The following TRUB2 variants were observed in gnomAD, a reference collection of about 807,000 sequenced individuals.
TRUB2 encodes the protein TruB pseudouridine synthase family member 2, also known as pseudouridylate synthase TRUB2, mitochondrial.
Under a neutral mutation model 31.9 loss-of-function variants are expected in TRUB2, and 31 were observed. The observed-to-expected ratio is 0.97, with a 90% CI of 0.73 to 1.31. The LOEUF (loss-of-function observed/expected upper bound fraction) is 1.31, where lower values mean the gene tolerates loss of function less well. Ranked by LOEUF, TRUB2 falls within the 50% of genes most tolerant of loss-of-function variation. TRUB2 has a pLI of 0.00. For missense variants in TRUB2, 451 were observed against 439.6 expected, an observed-to-expected ratio of 1.03 and a Z score of -0.23; for synonymous variants, 201 against 182.6, an observed-to-expected ratio of 1.10 and a Z score of -0.81.
chr9:128,312,191 C>T (rs1449461734), intron 5 of TRUB2, among the ~76,000 whole-genome samples: 2 of 139,624 alleles, frequency 1.4e-5, no homozygotes, highest in Non-Finnish European at 3.0e-5. Flanking sequence ...GGCTGGAGTG[C>T]AAATGGCACA....
At chr9:128,315,692 C>T in intron 3 of TRUB2, 64 bp from the exon 4 acceptor site, 1 of 1,541,572 alleles carries the variant, frequency 6.5e-7, no homozygotes, top group Non-Finnish European at 8.8e-7. Flanking sequence ...AGTATCCCCA[C>T]CCCTACCCCC....
At chr9:128,311,705 G>A (rs1831972622) in intron 5 of TRUB2, 104 bp from the exon 6 acceptor site, 2 of 1,270,708 alleles carry the variant, frequency 1.6e-6, no homozygotes, top group South Asian at 2.5e-5. Context: ...ATGGAGAGAG[G>A]ATGTTTTGGA....
chr9:128,309,090 ACACTG>A lies in TRUB2; in HGVS notation c.*455_*459del. 6.1e-6 allele frequency: 1 copy of A among 164,254 alleles called. No homozygotes were observed. Among genetic ancestry groups the A allele is most frequent in the South Asian group, 1.6e-4 (1 of 6,322 alleles). 10.2% of individuals were successfully genotyped at this position (164,254 alleles called of 1,614,324 possible). A position where few individuals can be genotyped will look rare whatever the true frequency, so the allele number is the denominator to read the frequency against. ...TATGGATATTAGTCCTTGGTTAATG[ACACTG>A]CAAATACTTACAATTTTTTTTAATT... On this transcript the variant is annotated 3_prime_UTR_variant, in exon 8 of 8. Transcript: ENST00000372890.
At chr9:128,318,509 T>TG (rs1832106133) in intron 2 of TRUB2, among the ~76,000 whole-genome samples, 1 of 150,750 alleles carries the variant, frequency 6.6e-6, no homozygotes, top group African/African-American at 2.4e-5. Flanking sequence ...ACTGTTTTTT[T>TG]TTTGTGTGTG....
At position 128,307,700 on chromosome 9, in the gene TRUB2, C is replaced by G. The variant is rs1359136380; in HGVS notation, c.*1850G>C. The G allele has an allele frequency of 6.6e-6, 1 of 152,090 alleles. No individual in the cohort carries two copies. The highest frequency in any genetic ancestry group is 2.4e-5 in the African/African-American group (1 of 41,374). The allele number at this position is 152,090 out of a possible 1,614,324, so 9.4% of individuals were successfully genotyped here. ...TGAGTTGAAACCGCGCCACTGCACT[C>G]TAGCCTGGGCGACAGTGCGAGGCCC... On this transcript the variant is annotated 3_prime_UTR_variant, in exon 8 of 8. Transcript: ENST00000372890.
Position 128,315,882 on chromosome 9 carries a change from A to AGGTGG in TRUB2, c.317-255_317-254insCCACC, listed in dbSNP as rs988738282. 93 of 515,306 alleles carry AGGTGG rather than the reference A, an allele frequency of 1.8e-4. 1 individual carries two copies. Among genetic ancestry groups the AGGTGG allele is most frequent in the Admixed American group, 1.4e-3 (45 of 31,620 alleles). The allele number at this position is 515,306 out of a possible 1,614,324, so 31.9% of individuals were successfully genotyped here. ...GCCTAGGATCCCTGCCAAGCTCTCC[A>AGGTGG]CAGGATTCTGACACCTGAGAGGAAG... On this transcript the variant is annotated intron_variant, in intron 3 of 7. Transcript: ENST00000372890.
intron 2 of TRUB2, among the ~76,000 whole-genome samples, chr9:128,320,064 C>T (rs1383302685): frequency 6.6e-6 from 1 of 151,288 alleles, no homozygotes; most frequent in Non-Finnish European, 1.5e-5. Flanking sequence ...TACAGGCGCC[C>T]ACCACCACGC....
rs1831907652 is a variant in TRUB2 at position 128,308,610 on chromosome 9, C to T, written c.*940G>A. The T allele has an allele frequency of 6.6e-6, 1 of 152,088 alleles. No individual in the cohort carries two copies. Among genetic ancestry groups the T allele is most frequent in the African/African-American group, 2.4e-5 (1 of 41,416 alleles). 9.4% of individuals were successfully genotyped at this position (152,088 alleles called of 1,614,324 possible). Reference sequence around the variant, plus strand: ...TTTGAGTCACGCTGATTATCCACCACAATTGTGGGCGGAGCTCATTCAATA... The same window carrying T: ...TTTGAGTCACGCTGATTATCCACCATAATTGTGGGCGGAGCTCATTCAATA... On this transcript the variant is annotated 3_prime_UTR_variant, in exon 8 of 8. Coordinates refer to ENST00000372890, the MANE Select transcript of TRUB2 (RefSeq NM_015679.3).
chr9:128,319,788 T>G (rs940287827), intron 2 of TRUB2, among the ~76,000 whole-genome samples: 4 of 151,290 alleles, frequency 2.6e-5, no homozygotes, highest in African/African-American at 9.7e-5. Flanking sequence ...TACAGGTACG[T>G]GCTATCATGC....
chr9:128,315,592 T>TTA lies in TRUB2; in HGVS notation c.352_353insTA (p.Asp118ValfsTer32). The stretch of plus-strand genomic sequence containing the variant: ...CTTGGTAAGATGAGCATTGTACATA[T>TTA]CGGTGAGGAGCCTGCATCCATGTCC... On this transcript the variant is annotated frameshift_variant, in exon 4 of 8. Transcript: ENST00000372890. LOFTEE classifies it high-confidence loss of function. 1.2e-6 allele frequency: 2 copies of TTA among 1,613,638 alleles called. No homozygotes were observed. Among genetic ancestry groups the TTA allele is most frequent in the South Asian group, 2.2e-5 (2 of 91,030 alleles).
chr9:128,311,676 C>A, intron 5 of TRUB2, 75 bp from the exon 6 acceptor site: 1 of 1,489,156 alleles, frequency 6.7e-7, no homozygotes, highest in Non-Finnish European at 9.3e-7. Context: ...TCCCCCCAGG[C>A]CAGCCCCATC....
In TRUB2 at chr9:128,314,576, T is replaced by C. The variant is rs563357370; in HGVS notation, c.379-687A>G. 3.0e-3 allele frequency among the ~76,000 whole-genome samples: 455 copies of C among 152,114 alleles called. 4 individuals carry two copies. Among genetic ancestry groups the C allele is most frequent in the Non-Finnish European group, 3.0e-3 (201 of 68,010 alleles). ...CGTCGAGTAGCTGGGAGGACAGGCA[T>C]GCGCCACCAGCCTGGCTAATTTTTT... On this transcript the variant is annotated intron_variant, in intron 4 of 7. Coordinates refer to ENST00000372890, the MANE Select transcript of TRUB2 (RefSeq NM_015679.3).
intron 3 of TRUB2, chr9:128,316,811 T>C (rs540232337): frequency 8.5e-6 from 2 of 234,156 alleles, no homozygotes; most frequent in African/African-American, 2.3e-5. Flanking sequence ...TCACTGGCCA[T>C]GGGACCCAGA....
At chr9:128,315,994 C>A (rs1254077159) in intron 3 of TRUB2, 5 of 236,020 alleles carry the variant, frequency 2.1e-5, no homozygotes, top group African/African-American at 6.6e-5. Context: ...GTCAAGTTCC[C>A]CATCAGTAAA....
At position 128,322,329 on chromosome 9, in the gene TRUB2, C is replaced by A. The variant is rs778427072; in HGVS notation, c.80G>T (p.Arg27Leu). 2.5e-6 allele frequency: 4 copies of A among 1,614,118 alleles called. No individual in the cohort carries two copies. The highest frequency in any genetic ancestry group is 1.1e-5 in the South Asian group (1 of 91,078). The change falls in exon 1 of 8, where the codon CGG (arginine) becomes CTG (leucine). Residue 27 changes from arginine (R) to leucine (L), a missense_variant. Coordinates refer to ENST00000372890, the MANE Select transcript of TRUB2 (RefSeq NM_015679.3). The stretch of plus-strand genomic sequence containing the variant: ...CAGAAGTTGTAGCTCCACTGTATCC[C>A]GCAGGTGCTTCCATTTTAGCCCCGG... ...KPPGLKWKHL[R>L]DTVELQLLKG... is the part of the protein sequence containing the mutation.
chr9:128,310,781 T>G, intron 7 of TRUB2, 106 bp downstream of exon 7: 1 of 1,482,302 alleles, frequency 6.7e-7, no homozygotes, highest in South Asian at 1.2e-5. Context: ...CGGCGTGTGC[T>G]GGCCTCAGCT....
chr9:128,310,806 T>G, intron 7 of TRUB2, 81 bp downstream of exon 7: 4 of 1,570,390 alleles, frequency 2.5e-6, no homozygotes, highest in Non-Finnish European at 3.5e-6. Flanking sequence ...CAGACAACAG[T>G]GACCTCTGCA....
chr9:128,307,256 CA>C lies in TRUB2; in HGVS notation c.*2293del, dbSNP rs1024817645. On this transcript the variant is annotated 3_prime_UTR_variant, in exon 8 of 8. Coordinates refer to ENST00000372890, the MANE Select transcript of TRUB2 (RefSeq NM_015679.3). ...TGGGTGACAGAGCAAGACTCCATCT[CA>C]AAAAAAAATAATAAAATTAGCTGGA... 2 of 145,758 alleles carry C rather than the reference CA, an allele frequency of 1.4e-5. No homozygotes were observed. The highest frequency in any genetic ancestry group is 2.2e-4 in the South Asian group (1 of 4,552). 9.0% of individuals were successfully genotyped at this position (145,758 alleles called of 1,614,324 possible). A position where few individuals can be genotyped will look rare whatever the true frequency, so the allele number is the denominator to read the frequency against.
chr9:128,320,094 T>C (rs1832137814), intron 2 of TRUB2, among the ~76,000 whole-genome samples: 1 of 151,410 alleles, frequency 6.6e-6, no homozygotes, highest in South Asian at 2.1e-4. Flanking sequence ...TTCTTTGTAT[T>C]TTTAGTAGAG....
Sources: gnomAD v4.1 joint callset for allele counts (sites outside exome capture counted in the v4.1 genomes callset) on GRCh38, gnomAD v4.1.1 for gene constraint, MANE v1.5 for transcripts, NCBI Gene and HGNC (gene_info 2026-07-23, HGNC 2026-07-21) for gene names.